Variants in TFDP2 observed in about 807,000 individuals in gnomAD.
TFDP2 encodes the protein transcription factor Dp-2, also known as transcription factor Dp-2 (E2F dimerization partner 2).
A neutral mutation model predicts 59.3 loss-of-function variants in TFDP2; 17 were observed. The observed-to-expected ratio is 0.29, with a 90% CI of 0.20 to 0.43. TFDP2 has a LOEUF of 0.43. TFDP2 is among the 20% of genes least tolerant of loss of function. The probability of loss-of-function intolerance (pLI) is 1.00; values close to 1 mark genes in which losing one functional copy is unlikely to be tolerated. For missense variants in TFDP2, 391 were observed against 528.8 expected (o/e 0.74, Z 2.56); for synonymous variants, 180 against 194.7 (o/e 0.92, Z 0.63).
intron 3 of TFDP2, among the ~76,000 whole-genome samples, chr3:142,081,716 T>C (rs1444222848): frequency 6.6e-6 from 1 of 152,162 alleles, no homozygotes; most frequent in Non-Finnish European, 1.5e-5. Flanking sequence ...TGCCAATAAA[T>C]TGGAAAACCT....
rs561484885 is a variant in TFDP2 at position 142,012,801 on chromosome 3, A to T, written c.83-7257T>A. 6.0e-4 allele frequency among the ~76,000 whole-genome samples: 91 copies of T among 152,278 alleles called. 2 individuals are homozygous for T. The South Asian group carries it at 0.019, about 31-fold the overall frequency. On this transcript the variant is annotated intron_variant, in intron 3 of 12. Coordinates refer to ENST00000489671, the MANE Select transcript of TFDP2 (RefSeq NM_001178139.2). ...ATTTGTTTTATACATTTTATTATTT[A>T]AAAAAACATTTTATGAAGATGCATG...
At chr3:142,067,505 C>T (rs1576891535) in intron 3 of TFDP2, among the ~76,000 whole-genome samples, 2 of 152,052 alleles carry the variant, frequency 1.3e-5, no homozygotes, top group Non-Finnish European at 2.9e-5. Context: ...ATTCCATGCT[C>T]ATGAATAGGA....
At chr3:142,118,958 T>C (rs577921744) in intron 1 of TFDP2, among the ~76,000 whole-genome samples, 1 of 152,080 alleles carries the variant, frequency 6.6e-6, no homozygotes, top group Non-Finnish European at 1.5e-5. Context: ...GCCAGGAGTT[T>C]GACACCAGCT....
intron 3 of TFDP2, among the ~76,000 whole-genome samples, chr3:142,034,441 C>G (rs1946585627): frequency 6.6e-6 from 1 of 151,910 alleles, no homozygotes. Context: ...AAAAATGCAC[C>G]AAGTACCTCT....
intron 2 of TFDP2, among the ~76,000 whole-genome samples, chr3:142,100,659 C>T (rs968592041): frequency 1.3e-4 from 20 of 152,104 alleles, no homozygotes; most frequent in Non-Finnish European, 2.2e-4. Context: ...AGGCGTGAGC[C>T]ACCATGCCTG....
At chr3:142,031,313 C>T (rs1946421101) in intron 3 of TFDP2, among the ~76,000 whole-genome samples, 2 of 152,136 alleles carry the variant, frequency 1.3e-5, no homozygotes, top group Non-Finnish European at 2.9e-5. Flanking sequence ...ATGTATCAGG[C>T]ACTGAGCTGG....
intron 3 of TFDP2, among the ~76,000 whole-genome samples, chr3:142,077,005 G>A (rs2060480457): frequency 6.6e-6 from 1 of 152,174 alleles, no homozygotes; most frequent in African/African-American, 2.4e-5. Context: ...CCTGGCAGCA[G>A]CCATGTGGCA....
chr3:142,000,402 G>A, intron 4 of TFDP2: 1 of 675,300 alleles, frequency 1.5e-6, no homozygotes, highest in East Asian at 2.7e-5. Context: ...TCTTTTATAA[G>A]GGCACTAATT....
chr3:142,017,938 T>TTTATTTATTTATTTA (rs1945268852), intron 3 of TFDP2, among the ~76,000 whole-genome samples: 1 of 151,294 alleles, frequency 6.6e-6, no homozygotes, highest in Non-Finnish European at 1.5e-5. Context: ...TGCCTCAATA[T>TTTATTTATTTATTTA]TTTATTTATT....
chr3:142,012,356 C>A (rs1342073993), intron 3 of TFDP2, among the ~76,000 whole-genome samples: 1 of 152,110 alleles, frequency 6.6e-6, no homozygotes, highest in Non-Finnish European at 1.5e-5. Context: ...TCAACAAATA[C>A]CCTCTGTTGC....
At chr3:142,070,323 C>A (rs2060205663) in intron 3 of TFDP2, among the ~76,000 whole-genome samples, 1 of 151,998 alleles carries the variant, frequency 6.6e-6, no homozygotes, top group African/African-American at 2.4e-5. Context: ...GGCTGGAGTA[C>A]AAGTACAATG....
chr3:142,147,873 A>G (rs1020810544), intron 1 of TFDP2, among the ~76,000 whole-genome samples: 3 of 152,250 alleles, frequency 2.0e-5, no homozygotes, highest in Non-Finnish European at 4.4e-5. Flanking sequence ...GCCATTAAAG[A>G]TTAATTACAG....
intron 3 of TFDP2, among the ~76,000 whole-genome samples, chr3:142,061,259 A>T (rs1434648054): frequency 6.6e-6 from 1 of 152,220 alleles, no homozygotes; most frequent in Admixed American, 6.5e-5. Flanking sequence ...TTTACAACCA[A>T]AAATATAGGA....
At chr3:142,077,640 C>T (rs928723072) in intron 3 of TFDP2, among the ~76,000 whole-genome samples, 1 of 152,062 alleles carries the variant, frequency 6.6e-6, no homozygotes, top group Admixed American at 6.6e-5. Flanking sequence ...CACCTGCTGA[C>T]TAAAGAGCTC....
intron 4 of TFDP2, among the ~76,000 whole-genome samples, chr3:142,002,081 G>A (rs1262921946): frequency 6.7e-6 from 1 of 149,784 alleles, no homozygotes; most frequent in Non-Finnish European, 1.5e-5. Context: ...TGCAACCTCA[G>A]CCTCCCAGAT....
intron 2 of TFDP2, among the ~76,000 whole-genome samples, chr3:142,093,642 T>C (rs2108621016): frequency 6.6e-6 from 1 of 152,330 alleles, no homozygotes; most frequent in East Asian, 1.9e-4. Flanking sequence ...TGCCCTTAAT[T>C]TGTACTATTC....
intron 10 of TFDP2, 109 bp from the exon 11 acceptor site, chr3:141,959,949 G>T: frequency 1.0e-6 from 1 of 998,012 alleles, no homozygotes; most frequent in Non-Finnish European, 1.5e-6. Context: ...CAGCTATAGT[G>T]CTAGAAATTG....
intron 4 of TFDP2, among the ~76,000 whole-genome samples, chr3:142,003,729 T>C (rs1303262180): frequency 2.0e-5 from 3 of 152,198 alleles, no homozygotes; most frequent in Non-Finnish European, 2.9e-5. Context: ...CGCCTCTCCT[T>C]CTTGTGACCT....
chr3:142,109,073 T>C (rs2061565670), intron 1 of TFDP2, among the ~76,000 whole-genome samples: 3 of 152,226 alleles, frequency 2.0e-5, no homozygotes, highest in African/African-American at 7.2e-5. Context: ...ATAATCAGAT[T>C]GTGGTCTGTC....
Sources: allele counts gnomAD v4.1 joint callset (sites outside exome capture counted in the v4.1 genomes callset), GRCh38; gene constraint gnomAD v4.1.1; transcripts MANE v1.5; gene names NCBI Gene and HGNC (gene_info 2026-07-23, HGNC 2026-07-21).